STK17A: variants seen among roughly 807,000 people sequenced by gnomAD.
STK17A encodes serine/threonine kinase 17a.
STK17A carries 26 observed loss-of-function variants against 43.7 expected under a neutral mutation model. The ratio of observed to expected loss-of-function variants is 0.60; its 90% CI spans 0.44 to 0.83. STK17A has a LOEUF of 0.83. Ranked by LOEUF, STK17A falls within the 40% of genes least tolerant of loss-of-function variation. The pLI, the probability that STK17A is intolerant of heterozygous loss-of-function variation, is 0.00. For synonymous variants in STK17A, 191 were observed against 182.5 expected (o/e 1.05, Z -0.38); for missense variants, 476 against 511.6 (o/e 0.93, Z 0.67).
Position 43,625,753 on chromosome 7 carries a change from C to CAGAGAGAGAGAGAGAGAGAGAGAG in STK17A, c.*912_*935dup, listed in dbSNP as rs3832501. On this transcript the variant is annotated 3_prime_UTR_variant, in exon 7 of 7. Transcript: ENST00000319357. Reference sequence around the variant, plus strand: ...CCAAAGTGAGTAAAATCCCCTAGAGCAGAGAGAGAGAGAGAGAGAGAGAGT... The same window carrying CAGAGAGAGAGAGAGAGAGAGAGAG: ...CCAAAGTGAGTAAAATCCCCTAGAGCAGAGAGAGAGAGAGAGAGAGAGAGAGAGAGAGAGAGAGAGAGAGAGAGT... The CAGAGAGAGAGAGAGAGAGAGAGAG allele has an allele frequency of 5.3e-5, 8 of 149,584 alleles. No individual in the cohort carries two copies. The highest frequency in any genetic ancestry group is 1.0e-4 in the Non-Finnish European group (7 of 67,496). 9.3% of individuals were successfully genotyped at this position (149,584 alleles called of 1,614,324 possible). A position where few individuals can be genotyped will look rare whatever the true frequency, so the allele number is the denominator to read the frequency against.
rs192854286 is a variant in STK17A at position 43,602,229 on chromosome 7, C to T, written c.420-6027C>T. On this transcript the variant is annotated intron_variant, in intron 2 of 6. Coordinates refer to ENST00000319357, the MANE Select transcript of STK17A (RefSeq NM_004760.3). ...CTTCTAGAGTTTCAGTCCCTCCTCC[C>T]GTGGTGGTTCTTTTCCCTTTGTTTT... Among the ~76,000 whole-genome samples, 14 of 152,246 alleles carry T rather than the reference C, an allele frequency of 9.2e-5. No homozygotes were observed. The East Asian group carries it at 1.2e-3, about 13-fold the overall frequency.
chr7:43,619,680 CAG>C lies in STK17A; in HGVS notation c.649_650del (p.Ser217Ter). The C allele has an allele frequency of 6.2e-7, 1 of 1,614,008 alleles. No homozygotes were observed. Among genetic ancestry groups the C allele is most frequent in the Non-Finnish European group, 8.5e-7 (1 of 1,179,976 alleles). ...DFGLSRILKN[S>X]EELREIMGTP... ...TTGGCCTTTCAAGAATATTGAAGAA[CAG>C]TGAAGAGCTCCGAGAAATTATGGGT... On this transcript the variant is annotated frameshift_variant, in exon 4 of 7. Coordinates refer to ENST00000319357, the MANE Select transcript of STK17A (RefSeq NM_004760.3). LOFTEE classifies it high-confidence loss of function.
intron 1 of STK17A, among the ~76,000 whole-genome samples, chr7:43,594,887 A>AG (rs1554478540): frequency 2.7e-5 from 4 of 149,894 alleles, no homozygotes; most frequent in African/African-American, 9.7e-5. Flanking sequence ...AAAAAAAAAA[A>AG]AAAGAAAGAA....
chr7:43,617,071 T>C (rs1270832255), intron 3 of STK17A, among the ~76,000 whole-genome samples: 2 of 152,166 alleles, frequency 1.3e-5, no homozygotes, highest in East Asian at 3.8e-4. Context: ...ATATACAAAT[T>C]CACTCTTGTG....
rs1471524966 is a variant in STK17A, at chr7:43,583,442, C to T, written c.199C>T (p.Leu67=). 7.4e-7 allele frequency: 1 copy of T among 1,356,070 alleles called. No individual in the cohort carries two copies. The highest frequency in any genetic ancestry group is 9.5e-7 in the Non-Finnish European group (1 of 1,056,242). The allele number at this position is 1,356,070 out of a possible 1,614,324, so 84.0% of individuals were successfully genotyped here. ...DGYSLCPGRE[L]GRGKFAVVRK... The stretch of plus-strand genomic sequence containing the variant: ...CTACAGCCTGTGCCCGGGCCGGGAG[C>T]TGGGCAGGTGAGGACGGGCGGGGCC... Residue 67 remains leucine, a synonymous_variant, in exon 1 of 7, where the codon CTG becomes TTG. Coordinates refer to ENST00000319357, the MANE Select transcript of STK17A (RefSeq NM_004760.3).
rs998624608 is a variant in STK17A, at chr7:43,583,135, C to T, written c.-109C>T. ...AGTCCGAGCGCCGCGCTGGGGAGAG[C>T]GGGTGTTTGAAGGCTCCGCGGACCG... On this transcript the variant is annotated 5_prime_UTR_variant, in exon 1 of 7. Transcript: ENST00000319357. 7.6e-6 allele frequency: 9 copies of T among 1,186,372 alleles called. No individual in the cohort carries two copies. The highest frequency in any genetic ancestry group is 5.1e-5 in the Admixed American group (2 of 39,146). 73.5% of individuals were successfully genotyped at this position (1,186,372 alleles called of 1,614,324 possible). A position where few individuals can be genotyped will look rare whatever the true frequency, so the allele number is the denominator to read the frequency against.
intron 2 of STK17A, among the ~76,000 whole-genome samples, chr7:43,607,647 C>CAAAAA (rs760624386): frequency 0.18 from 9,763 of 54,226 alleles, 1,029 homozygotes; most frequent in Non-Finnish European, 0.26. Context: ...GACTCCGTCT[C>CAAAAA]AAAAAAAAAA....
intron 2 of STK17A, among the ~76,000 whole-genome samples, chr7:43,597,191 A>G (rs777349056): frequency 1.3e-5 from 2 of 152,176 alleles, no homozygotes; most frequent in African/African-American, 4.8e-5. Context: ...AAGGGTTTGG[A>G]CCGTAATCCC....
intron 3 of STK17A, among the ~76,000 whole-genome samples, chr7:43,614,656 A>G (rs2083183674): frequency 6.6e-6 from 1 of 152,192 alleles, no homozygotes; most frequent in Admixed American, 6.5e-5. Flanking sequence ...ATTAACTGAA[A>G]TCCCATGAAA....
intron 3 of STK17A, among the ~76,000 whole-genome samples, chr7:43,611,614 C>T (rs1378846050): frequency 6.6e-6 from 1 of 152,116 alleles, no homozygotes; most frequent in Non-Finnish European, 1.5e-5. Flanking sequence ...ACCTTGCTTC[C>T]CTCGGGAACA....
intron 3 of STK17A, among the ~76,000 whole-genome samples, chr7:43,614,595 C>T (rs1394271945): frequency 6.6e-6 from 1 of 152,120 alleles, no homozygotes; most frequent in East Asian, 1.9e-4. Context: ...TTAAAAATAG[C>T]CCTGTGGTCA....
At chr7:43,611,170 C>CA (rs772116343) in intron 3 of STK17A, among the ~76,000 whole-genome samples, 11 of 152,192 alleles carry the variant, frequency 7.2e-5, no homozygotes, top group Non-Finnish European at 1.6e-4. Flanking sequence ...ACTTCTACAG[C>CA]AAACTTGATA....
chr7:43,620,840 T>G (rs1430024512), intron 4 of STK17A, among the ~76,000 whole-genome samples: 4 of 152,156 alleles, frequency 2.6e-5, no homozygotes, highest in Non-Finnish European at 5.9e-5. Flanking sequence ...GGAAGTCACC[T>G]AGGCTGCCAG....
intron 6 of STK17A, among the ~76,000 whole-genome samples, 164 bp from the exon 7 acceptor site, chr7:43,624,354 T>C (rs188461809): frequency 6.6e-6 from 1 of 152,254 alleles, no homozygotes; most frequent in East Asian, 1.9e-4. Flanking sequence ...TTGTGGGAAA[T>C]TGCACCCAAA....
At chr7:43,611,500 T>C (rs1419275870) in intron 3 of STK17A, among the ~76,000 whole-genome samples, 2 of 152,128 alleles carry the variant, frequency 1.3e-5, no homozygotes, top group Non-Finnish European at 2.9e-5. Context: ...ATGCTGAAGG[T>C]TACCTAGTTA....
chr7:43,620,662 A>C (rs1338428442), intron 4 of STK17A, among the ~76,000 whole-genome samples: 1 of 145,868 alleles, frequency 6.9e-6, no homozygotes, highest in East Asian at 2.0e-4. Flanking sequence ...CGACAGAGTG[A>C]GACTCCGTCT....
intron 2 of STK17A, among the ~76,000 whole-genome samples, chr7:43,605,523 C>G (rs1334440755): frequency 6.6e-6 from 1 of 152,100 alleles, no homozygotes; most frequent in East Asian, 1.9e-4. Context: ...GTTATTTTGT[C>G]TAAGACTTCA....
intron 2 of STK17A, among the ~76,000 whole-genome samples, chr7:43,599,950 TGA>T (rs936139335): frequency 6.6e-6 from 1 of 152,288 alleles, no homozygotes; most frequent in East Asian, 1.9e-4. Flanking sequence ...GTCCCAGCTC[TGA>T]GAGAGAGACC....
At chr7:43,591,130 T>C (rs1054817333) in intron 1 of STK17A, among the ~76,000 whole-genome samples, 1 of 151,518 alleles carries the variant, frequency 6.6e-6, no homozygotes, top group African/African-American at 2.4e-5. Flanking sequence ...TGTCATAATG[T>C]CAGTTTCAGT....
Sources: gnomAD v4.1 joint callset for allele counts (sites outside exome capture counted in the v4.1 genomes callset) on GRCh38, gnomAD v4.1.1 for gene constraint, MANE v1.5 for transcripts, NCBI Gene and HGNC (gene_info 2026-07-23, HGNC 2026-07-21) for gene names.